ZNF846: variants seen among roughly 807,000 people sequenced by gnomAD.
ZNF846 encodes zinc finger protein 420 pseudogene.
A neutral mutation model predicts 16.0 loss-of-function variants in ZNF846; 15 were observed. The ratio of observed to expected loss-of-function variants is 0.94; its 90% CI spans 0.63 to 1.45. The LOEUF (loss-of-function observed/expected upper bound fraction) is 1.45, where lower values mean the gene tolerates loss of function less well. Ranked by LOEUF, ZNF846 falls within the 40% of genes most tolerant of loss-of-function variation. The pLI, the probability that ZNF846 is intolerant of heterozygous loss-of-function variation, is 0.00. For synonymous variants in ZNF846, 229 were observed against 212.0 expected, an observed-to-expected ratio of 1.08 and a Z score of -0.70; for missense variants, 714 against 622.3, an observed-to-expected ratio of 1.15 and a Z score of -1.57.
chr19:9,753,704 G>C (rs1239860848), downstream of ZNF846, among the ~76,000 whole-genome samples: 1 of 151,734 alleles, frequency 6.6e-6, no homozygotes, highest in Non-Finnish European at 1.5e-5. Context: ...ACAATAAAAT[G>C]TATTTGTGAA....
downstream of ZNF846, among the ~76,000 whole-genome samples, chr19:9,750,678 C>G (rs547675673): frequency 6.6e-6 from 1 of 152,218 alleles, no homozygotes; most frequent in Admixed American, 6.5e-5. Flanking sequence ...CCATTAATCC[C>G]TTTACTTGTG....
upstream of ZNF846, chr19:9,768,622 C>G (rs1175197567): frequency 6.6e-6 from 1 of 152,300 alleles, no homozygotes; most frequent in Non-Finnish European, 1.5e-5. Context: ...CGTCACCCTC[C>G]GACCCTCGCT....
chr19:9,782,243 TGTC>T (rs1383488551), intron 1 of ZNF846, among the ~76,000 whole-genome samples: 1 of 152,154 alleles, frequency 6.6e-6, no homozygotes, highest in Non-Finnish European at 1.5e-5. Context: ...GAAAAAAATG[TGTC>T]GTGTTAGCCA....
At chr19:9,755,659 G>A (rs2045125744), downstream of ZNF846, 1 of 147,510 alleles carries the variant, frequency 6.8e-6, no homozygotes, top group East Asian at 2.0e-4. Flanking sequence ...AATTAGCCGG[G>A]CGTAGTGGCG....
chr19:9,769,114 C>T (rs897786359), upstream of ZNF846, among the ~76,000 whole-genome samples: 2 of 152,144 alleles, frequency 1.3e-5, no homozygotes, highest in African/African-American at 4.8e-5. Context: ...AGATAAGGCT[C>T]CGGTCTGTCG....
chr19:9,765,790 T>C (rs1257595307), intron 1 of ZNF846, among the ~76,000 whole-genome samples: 1 of 151,908 alleles, frequency 6.6e-6, no homozygotes, highest in Non-Finnish European at 1.5e-5. Context: ...ACTCTAATTG[T>C]CCAGGGGGTG....
At chr19:9,755,627 C>G (rs994637999), downstream of ZNF846, 1 of 148,334 alleles carries the variant, frequency 6.7e-6, no homozygotes, top group African/African-American at 2.5e-5. Context: ...GGTGAAACCC[C>G]GTCTCTACTA....
exon 6 of ZNF846, chr19:9,757,765 T>C: frequency 1.2e-6 from 2 of 1,613,586 alleles, no homozygotes; most frequent in African/African-American, 2.7e-5. Context: ...AAATGGGTAC[T>C]AAGGCCCGAG....
At chr19:9,759,288 A>G (rs1314570220) in intron 5 of ZNF846, among the ~76,000 whole-genome samples, 2 of 151,740 alleles carry the variant, frequency 1.3e-5, no homozygotes, top group Non-Finnish European at 2.9e-5. Context: ...ATTAGCCACA[A>G]TACATCTGAG....
At chr19:9,756,345 G>GTGTGTATGTATATATATA (rs1321690890), downstream of ZNF846, 3 of 81,776 alleles carry the variant, frequency 3.7e-5, no homozygotes, top group African/African-American at 1.8e-4. Flanking sequence ...GTGTGTGTGT[G>GTGTGTATGTATATATATA]TATATATATA....
upstream of ZNF846, among the ~76,000 whole-genome samples, chr19:9,769,980 C>CAA (rs765094580): frequency 1.1e-3 from 87 of 78,150 alleles, no homozygotes; most frequent in Admixed American, 1.9e-3. Flanking sequence ...GACTCCGTCT[C>CAA]AAAAAAAAAA....
At chr19:9,769,250 A>G (rs1014304990), upstream of ZNF846, among the ~76,000 whole-genome samples, 1 of 151,864 alleles carries the variant, frequency 6.6e-6, no homozygotes, top group South Asian at 2.1e-4. Flanking sequence ...CGCCCAGCTA[A>G]GTTATCTTTT....
At chr19:9,781,619 G>A (rs2045502233) in intron 1 of ZNF846, among the ~76,000 whole-genome samples, 1 of 151,832 alleles carries the variant, frequency 6.6e-6, no homozygotes, top group Non-Finnish European at 1.5e-5. Context: ...ACAGTCTTCT[G>A]AAAGACTGTC....
intron 4 of ZNF846, among the ~76,000 whole-genome samples, chr19:9,761,412 T>C (rs2045225616): frequency 6.6e-6 from 1 of 151,466 alleles, no homozygotes; most frequent in Non-Finnish European, 1.5e-5. Context: ...TGTCAGAAGT[T>C]TTGCAATGGT....
At chr19:9,755,787 G>A (rs113551493), downstream of ZNF846, among the ~76,000 whole-genome samples, 9,715 of 87,354 alleles carry the variant, frequency 0.11, 702 homozygotes, top group Admixed American at 0.25. Flanking sequence ...GCGACAGAGC[G>A]AGACTCCGTC....
intron 1 of ZNF846, among the ~76,000 whole-genome samples, chr19:9,777,047 C>G (rs777462432): frequency 2.6e-5 from 4 of 151,266 alleles, no homozygotes; most frequent in Non-Finnish European, 2.9e-5. Flanking sequence ...CAGGCAGGCC[C>G]TAAAGGACTA....
chr19:9,767,842 G>A (rs2045342268), intron 1 of ZNF846, among the ~76,000 whole-genome samples: 1 of 152,130 alleles, frequency 6.6e-6, no homozygotes, highest in African/African-American at 2.4e-5. Context: ...GCTGAGGCAG[G>A]AGAATCGCTT....
chr19:9,783,538 A>ATATATATATATATATATAT (rs1214845852), intron 1 of ZNF846, among the ~76,000 whole-genome samples: 1 of 115,484 alleles, frequency 8.7e-6, no homozygotes, highest in South Asian at 2.3e-4. Context: ...AAAAAAAAAA[A>ATATATATATATATATATAT]AAAAAAATAT....
chr19:9,782,925 CTTTT>C (rs59602183), intron 1 of ZNF846, among the ~76,000 whole-genome samples: 1 of 147,292 alleles, frequency 6.8e-6, no homozygotes, highest in African/African-American at 2.5e-5. Flanking sequence ...CTCCCTGTAA[CTTTT>C]TTTTTTTTAA....
Sources: gnomAD v4.1 joint callset for allele counts (sites outside exome capture counted in the v4.1 genomes callset) on GRCh38, gnomAD v4.1.1 for gene constraint, MANE v1.5 for transcripts, NCBI Gene and HGNC (gene_info 2026-07-23, HGNC 2026-07-21) for gene names.